IGFL4: variants seen among roughly 807,000 people sequenced by gnomAD.
IGFL4 encodes the protein insulin growth factor-like family member 4.
Under a neutral mutation model 15.4 loss-of-function variants are expected in IGFL4, and 12 were observed. The observed-to-expected ratio is 0.78, with a 90% CI of 0.50 to 1.26. The LOEUF is 1.26. Ranked by LOEUF, IGFL4 falls within the 50% of genes most tolerant of loss-of-function variation. IGFL4 has a pLI of 0.00. For synonymous variants in IGFL4, 54 were observed against 55.9 expected, an observed-to-expected ratio of 0.97 and a Z score of 0.16; for missense variants, 126 against 147.8, an observed-to-expected ratio of 0.85 and a Z score of 0.76.
intron 2 of IGFL4, among the ~76,000 whole-genome samples, chr19:46,057,460 GTGC>G (rs1476154517): frequency 6.6e-6 from 1 of 152,114 alleles, no homozygotes; most frequent in Non-Finnish European, 1.5e-5. Context: ...TAAATCAGCC[GTGC>G]TAACATTCAT....
chr19:46,040,093 T>A lies in IGFL4; in HGVS notation c.330+64A>T. 6.3e-7 allele frequency: 1 copy of A among 1,596,588 alleles called. No homozygotes were observed. Among genetic ancestry groups the A allele is most frequent in the Non-Finnish European group, 8.6e-7 (1 of 1,166,800 alleles). On this transcript the variant is annotated intron_variant, in intron 3 of 3. Coordinates refer to ENST00000377697, the MANE Select transcript of IGFL4 (RefSeq NM_001002923.3). This position sits in a 1 kb window ranked among gnomAD's most constrained non-coding sequence, Gnocchi z 4.1. ...AGAGACTGCACATCTGGGTGGGACA[T>A]GGACAACCAAGCTCCATTCCCTACT... is the stretch of plus-strand genomic sequence containing the variant.
rs948346365 is a variant in IGFL4 at position 46,074,388 on chromosome 19, A to G, written c.-432+2632T>C. ...AATAAACTCCCATATATGTATATGT[A>G]TACTTATTATAATTAATGTATGTAT... On this transcript the variant is annotated intron_variant, in intron 1 of 5. Transcript: ENST00000601672. 3.9e-5 allele frequency among the ~76,000 whole-genome samples: 6 copies of G among 151,986 alleles called. 1 individual carries two copies. The highest frequency in any genetic ancestry group is 3.9e-4 in the Admixed American group (6 of 15,256).
At chr19:46,072,106 T>C (rs543101959) in intron 1 of IGFL4, among the ~76,000 whole-genome samples, 3 of 152,344 alleles carry the variant, frequency 2.0e-5, no homozygotes, top group African/African-American at 7.2e-5. Flanking sequence ...TTTCCTGCTA[T>C]TGACAACAGT....
At chr19:46,065,257 T>C (rs1189621365) in intron 1 of IGFL4, among the ~76,000 whole-genome samples, 1 of 152,192 alleles carries the variant, frequency 6.6e-6, no homozygotes, top group Non-Finnish European at 1.5e-5. Flanking sequence ...ATTTTTCTTA[T>C]TCTGTGTGTT....
chr19:46,073,279 T>C (rs924678113), intron 1 of IGFL4, among the ~76,000 whole-genome samples: 4 of 152,226 alleles, frequency 2.6e-5, no homozygotes, highest in Admixed American at 2.0e-4. Context: ...ACTATCATGA[T>C]AGTGATAGTG....
At chr19:46,076,428 T>C (rs1368509453) in intron 1 of IGFL4, among the ~76,000 whole-genome samples, 1 of 152,146 alleles carries the variant, frequency 6.6e-6, no homozygotes, top group Non-Finnish European at 1.5e-5. Flanking sequence ...TTGTAATTGT[T>C]ATTTTCAGCA....
At chr19:46,072,161 C>T (rs760739042) in intron 1 of IGFL4, among the ~76,000 whole-genome samples, 5 of 152,234 alleles carry the variant, frequency 3.3e-5, no homozygotes, top group East Asian at 1.9e-4. Flanking sequence ...AGGTGGTGAA[C>T]GAAGACAGGA....
In IGFL4 at chr19:46,040,062, C is replaced by A. The variant is rs962388507; in HGVS notation, c.330+95G>T. 6 of 1,544,464 alleles carry A rather than the reference C, an allele frequency of 3.9e-6. No individual in the cohort carries two copies. The South Asian group carries it at 6.7e-5, about 17-fold the overall frequency. Reference sequence around the variant, plus strand: ...TACTGAGAGATGGGAAGGTATGGAACCCAGCAGAGACTGCACATCTGGGTG... The same window carrying A: ...TACTGAGAGATGGGAAGGTATGGAAACCAGCAGAGACTGCACATCTGGGTG... On this transcript the variant is annotated intron_variant, in intron 3 of 3. Coordinates refer to ENST00000377697, the MANE Select transcript of IGFL4 (RefSeq NM_001002923.3). This position sits in a 1 kb window ranked among gnomAD's most constrained non-coding sequence, Gnocchi z 4.1.
At chr19:46,076,108 T>C (rs1969593015) in intron 1 of IGFL4, among the ~76,000 whole-genome samples, 2 of 152,194 alleles carry the variant, frequency 1.3e-5, no homozygotes, top group African/African-American at 4.8e-5. Context: ...TATCTTCACA[T>C]GGCAGAAAGG....
At chr19:46,073,831 G>A (rs1392250341) in intron 1 of IGFL4, among the ~76,000 whole-genome samples, 1 of 152,198 alleles carries the variant, frequency 6.6e-6, no homozygotes, top group East Asian at 1.9e-4. Flanking sequence ...AGTCTTTAAA[G>A]ATAGAATGGT....
intron 1 of IGFL4, among the ~76,000 whole-genome samples, chr19:46,060,585 A>C (rs1969435699): frequency 6.6e-6 from 1 of 152,236 alleles, no homozygotes; most frequent in Non-Finnish European, 1.5e-5. Context: ...GATGACATAA[A>C]GTCTTAGGAC....
At chr19:46,051,280 C>T (rs188355757) in intron 2 of IGFL4, among the ~76,000 whole-genome samples, 6 of 152,322 alleles carry the variant, frequency 3.9e-5, no homozygotes, top group African/African-American at 1.4e-4. Context: ...CACAGCGGCT[C>T]ACACCTGTAA....
At position 46,040,113 on chromosome 19, in the gene IGFL4, C is replaced by T; in HGVS notation, c.330+44G>A. 1.2e-6 allele frequency: 2 copies of T among 1,608,480 alleles called. No individual in the cohort carries two copies. Among genetic ancestry groups the T allele is most frequent in the Non-Finnish European group, 8.5e-7 (1 of 1,176,866 alleles). ...GGACATGGACAACCAAGCTCCATTC[C>T]CTACTCCCCCCTCCCACAGCCTGGA... On this transcript the variant is annotated intron_variant, in intron 3 of 3. Transcript: ENST00000377697. This position sits in a 1 kb window ranked among gnomAD's most constrained non-coding sequence, Gnocchi z 4.1.
chr19:46,043,726 T>C (rs1161479406), upstream of IGFL4, among the ~76,000 whole-genome samples: 2 of 151,844 alleles, frequency 1.3e-5, no homozygotes, highest in Non-Finnish European at 1.5e-5. Flanking sequence ...TGTGGGACAA[T>C]GGGCATGCAT....
At chr19:46,067,644 A>G (rs1424854758) in intron 1 of IGFL4, among the ~76,000 whole-genome samples, 2 of 152,220 alleles carry the variant, frequency 1.3e-5, no homozygotes, top group African/African-American at 4.8e-5. Context: ...GCTCAGGCTC[A>G]GAGTGAGTTT....
At position 46,040,410 on chromosome 19, in the gene IGFL4, C is replaced by T. The variant is rs753898405; in HGVS notation, c.77G>A (p.Arg26Lys). The T allele has an allele frequency of 4.3e-6, 7 of 1,614,100 alleles. No homozygotes were observed. The South Asian group carries it at 6.6e-5, about 15-fold the overall frequency. Reference sequence around the variant, plus strand: ...GGGCGCTGGCTGGCATAGCCACAGTCTAAGATCTGGAAGAGTCGGGGCTGG... The same window carrying T: ...GGGCGCTGGCTGGCATAGCCACAGTTTAAGATCTGGAAGAGTCGGGGCTGG... ...GSNSEGVTDLRLWLCQPAPRC... is the reference protein window; with the variant it reads ...GSNSEGVTDLKLWLCQPAPRC... Residue 26 changes from arginine (R) to lysine (K), a missense_variant, in exon 3 of 4, where the codon AGA becomes AAA. Coordinates refer to ENST00000377697, the MANE Select transcript of IGFL4 (RefSeq NM_001002923.3). The surrounding 1 kb of genome is among the most constrained non-coding windows in gnomAD (Gnocchi z 4.1).
intron 2 of IGFL4, among the ~76,000 whole-genome samples, chr19:46,052,329 A>T (rs1969352664): frequency 6.6e-6 from 1 of 152,146 alleles, no homozygotes; most frequent in African/African-American, 2.4e-5. Context: ...TTGGAAATCA[A>T]CTCCAAAAGG....
At chr19:46,076,458 A>G (rs1157797028) in intron 1 of IGFL4, among the ~76,000 whole-genome samples, 2 of 151,994 alleles carry the variant, frequency 1.3e-5, no homozygotes, top group Non-Finnish European at 2.9e-5. Context: ...TTTCTGGCAC[A>G]AGATGTTCCA....
At chr19:46,058,810 C>A (rs1178896084) in intron 2 of IGFL4, 1 of 152,242 alleles carries the variant, frequency 6.6e-6, no homozygotes, top group Non-Finnish European at 1.5e-5. Context: ...TTATCCATGG[C>A]TAGAGCAACT....
Sources: gnomAD v4.1 joint callset for allele counts (sites outside exome capture counted in the v4.1 genomes callset) on GRCh38, gnomAD v4.1.1 for gene constraint, Gnocchi (gnomAD v3.1) non-coding constraint, MANE v1.5 for transcripts, NCBI Gene and HGNC (gene_info 2026-07-23, HGNC 2026-07-21) for gene names.